PIEZO2: variants seen among roughly 807,000 people sequenced by gnomAD.
The protein encoded by PIEZO2 is piezo type mechanosensitive ion channel component 2.
PIEZO2 carries 172 observed loss-of-function variants against 337.3 expected under a neutral mutation model. The observed-to-expected ratio is 0.51, with a 90% CI of 0.45 to 0.58. PIEZO2 has a LOEUF of 0.58. Ranked by LOEUF, PIEZO2 falls within the 20% of genes least tolerant of loss-of-function variation. The pLI is 0.00. For synonymous variants in PIEZO2, 1,251 were observed against 1,228.5 expected, an observed-to-expected ratio of 1.02 and a Z score of -0.38; for missense variants, 3,028 against 3,391.3, an observed-to-expected ratio of 0.89 and a Z score of 2.66.
At chr18:11,058,988 G>A (rs951637580) in intron 2 of PIEZO2, among the ~76,000 whole-genome samples, 1 of 152,218 alleles carries the variant, frequency 6.6e-6, no homozygotes, top group African/African-American at 2.4e-5. Context: ...AGGAAAAAAT[G>A]TAAAGGGCAG....
chr18:10,866,084 C>T (rs2041998345), intron 5 of PIEZO2, among the ~76,000 whole-genome samples: 1 of 152,092 alleles, frequency 6.6e-6, no homozygotes, highest in Admixed American at 6.5e-5. Flanking sequence ...GAGGTACATG[C>T]TGTTAAATGT....
chr18:10,889,463 G>A (rs975224096), intron 4 of PIEZO2, among the ~76,000 whole-genome samples: 16 of 152,110 alleles, frequency 1.1e-4, no homozygotes, highest in Admixed American at 2.6e-4. Flanking sequence ...TTGCAGATTC[G>A]GGAAATTAAT....
At chr18:10,882,491 A>T (rs182848503) in intron 4 of PIEZO2, among the ~76,000 whole-genome samples, 1 of 152,336 alleles carries the variant, frequency 6.6e-6, no homozygotes, top group African/African-American at 2.4e-5. Flanking sequence ...AATCTAATAT[A>T]TTAACTTCGT....
intron 1 of PIEZO2, among the ~76,000 whole-genome samples, chr18:11,075,535 C>G (rs55813268): frequency 0.2 from 31,114 of 152,186 alleles, 3,376 homozygotes; most frequent in Middle Eastern, 0.29. Context: ...GAGACAAGAA[C>G]ATTCTCTTCC....
chr18:11,148,827 G>T lies in PIEZO2; in HGVS notation c.-239C>A. On this transcript the variant is annotated 5_prime_UTR_variant, in exon 1 of 56. Transcript: ENST00000674853. The surrounding 1 kb of genome is among the most constrained non-coding windows in gnomAD (Gnocchi z 5.2). ...TCACCAGGCTCTTGGCGGCCACCTAGCCCGGCGCCCGGCCCCCTGCGGCCG... is the reference window on the plus strand; with the variant it reads ...TCACCAGGCTCTTGGCGGCCACCTATCCCGGCGCCCGGCCCCCTGCGGCCG... 2.3e-6 allele frequency: 1 copy of T among 441,010 alleles called. No individual in the cohort carries two copies. Among genetic ancestry groups the T allele is most frequent in the Non-Finnish European group, 4.0e-6 (1 of 252,622 alleles). The allele number at this position is 441,010 out of a possible 1,614,324, so 27.3% of individuals were successfully genotyped here.
At chr18:10,714,617 T>C (rs554837643) in intron 39 of PIEZO2, 147 bp downstream of exon 39, 2 of 838,816 alleles carry the variant, frequency 2.4e-6, no homozygotes, top group Middle Eastern at 2.8e-4. Flanking sequence ...TTATAGTTTG[T>C]TGTACAGATG....
At chr18:10,698,823 G>A in intron 44 of PIEZO2, 102 bp downstream of exon 44, 1 of 1,379,680 alleles carries the variant, frequency 7.2e-7, no homozygotes, top group Non-Finnish European at 9.7e-7. Flanking sequence ...TCTGTCTCTT[G>A]ATAGCACCCA....
In PIEZO2 at chr18:10,723,986, G is replaced by A. The variant is rs140130246; in HGVS notation, c.5030-5727C>T. Among the ~76,000 whole-genome samples, 96 of 152,312 alleles carry A rather than the reference G, an allele frequency of 6.3e-4. 1 individual carries two copies. The highest frequency in any genetic ancestry group is 2.3e-3 in the African/African-American group (94 of 41,574). On this transcript the variant is annotated intron_variant, in intron 36 of 55. Coordinates refer to ENST00000674853, the MANE Select transcript of PIEZO2 (RefSeq NM_001378183.1). ...GGTAAAGCCAGGTGGGTGGGCAGGG[G>A]TGGCACTGAGAAGATGCCATAGGCA... is the stretch of plus-strand genomic sequence containing the variant.
At chr18:10,780,224 C>G (rs756988994) in intron 18 of PIEZO2, 101 bp downstream of exon 18, 75 of 683,044 alleles carry the variant, frequency 1.1e-4, no homozygotes, top group Non-Finnish European at 1.8e-4. Context: ...CCAGTGTCCA[C>G]TATCTGACAA....
intron 4 of PIEZO2, among the ~76,000 whole-genome samples, chr18:10,876,395 C>A (rs1389074657): frequency 2.0e-5 from 3 of 152,216 alleles, no homozygotes; most frequent in Non-Finnish European, 4.4e-5. Flanking sequence ...GTGCAAGGAG[C>A]AGCTTTTGGG....
intron 1 of PIEZO2, among the ~76,000 whole-genome samples, chr18:11,082,246 T>G (rs1024510191): frequency 1.3e-5 from 2 of 152,196 alleles, no homozygotes; most frequent in Non-Finnish European, 2.9e-5. Context: ...GAAATATGTA[T>G]GACAAATACT....
rs1447823913 is a variant in PIEZO2, at chr18:11,031,066, T to A, written c.160+35061A>T. Among the ~76,000 whole-genome samples, 1 of 152,128 alleles carries A rather than the reference T, an allele frequency of 6.6e-6. No individual in the cohort carries two copies. The highest frequency in any genetic ancestry group is 1.5e-5 in the Non-Finnish European group (1 of 68,032). On this transcript the variant is annotated intron_variant, in intron 2 of 55. Coordinates refer to ENST00000674853, the MANE Select transcript of PIEZO2 (RefSeq NM_001378183.1). The surrounding 1 kb of genome is among the most constrained non-coding windows in gnomAD (Gnocchi z 4.7). Reference sequence around the variant, plus strand: ...GTGCAGTGGCGTGATCTTGGCTCATTGCAAACGCCGCCTCCCGGGTTCACA... The same window carrying A: ...GTGCAGTGGCGTGATCTTGGCTCATAGCAAACGCCGCCTCCCGGGTTCACA...
At chr18:10,946,134 C>A (rs1046501326) in intron 3 of PIEZO2, among the ~76,000 whole-genome samples, 30 of 152,060 alleles carry the variant, frequency 2.0e-4, no homozygotes, top group African/African-American at 6.7e-4. Flanking sequence ...ACCCTAGGAA[C>A]AAGAAAGATA....
rs1555658880 is a variant in PIEZO2 at position 10,845,214 on chromosome 18, A to AT, written c.917+10138_917+10139insA. On this transcript the variant is annotated intron_variant, in intron 7 of 55. Transcript: ENST00000674853. ...TGTGTGTGTGTGTATATATATATAT[A>AT]AACACACACACACACAACTTCAACT... Among the ~76,000 whole-genome samples the AT allele has an allele frequency of 2.4e-3, 369 of 151,774 alleles. 2 individuals are homozygous for AT. The highest frequency in any genetic ancestry group is 8.1e-3 in the African/African-American group (334 of 41,354).
At chr18:10,881,330 T>C (rs2042414801) in intron 4 of PIEZO2, among the ~76,000 whole-genome samples, 1 of 152,068 alleles carries the variant, frequency 6.6e-6, no homozygotes. Flanking sequence ...ACTGTGAGAG[T>C]TGCTAATTTC....
In PIEZO2 at chr18:11,012,584, A is replaced by G. The variant is rs372455753; in HGVS notation, c.161-32924T>C. On this transcript the variant is annotated intron_variant, in intron 2 of 55. Coordinates refer to ENST00000674853, the MANE Select transcript of PIEZO2 (RefSeq NM_001378183.1). ...GGCACCAGCTCAGGTGCTGATTTCG[A>G]TTGATTTTTTTTTAAACCCTCATTA... Among the ~76,000 whole-genome samples the G allele has an allele frequency of 1.1e-4, 16 of 152,296 alleles. No individual in the cohort carries two copies. The South Asian group carries it at 2.5e-3, about 24-fold the overall frequency.
At chr18:10,702,913 T>C (rs1256299683) in intron 42 of PIEZO2, among the ~76,000 whole-genome samples, 1 of 152,216 alleles carries the variant, frequency 6.6e-6, no homozygotes, top group Non-Finnish European at 1.5e-5. Context: ...TGGAGTGCAG[T>C]GGCACAATCA....
intron 49 of PIEZO2, among the ~76,000 whole-genome samples, chr18:10,684,457 G>A (rs1363308107): frequency 1.0e-4 from 7 of 67,030 alleles, no homozygotes; most frequent in South Asian, 8.6e-4. Context: ...GAACCACTGC[G>A]CCCGGCCTGT....
At chr18:11,079,915 G>A (rs947813137) in intron 1 of PIEZO2, among the ~76,000 whole-genome samples, 2 of 152,206 alleles carry the variant, frequency 1.3e-5, no homozygotes, top group East Asian at 1.9e-4. Flanking sequence ...GGCATGGAAC[G>A]ATGTTCACAA....
Sources: allele counts gnomAD v4.1 joint callset (sites outside exome capture counted in the v4.1 genomes callset), GRCh38; gene constraint gnomAD v4.1.1; non-coding constraint Gnocchi (gnomAD v3.1); transcripts MANE v1.5; gene names NCBI Gene and HGNC (gene_info 2026-07-23, HGNC 2026-07-21).